The following KHDRBS2 variants were observed in gnomAD, a reference collection of about 807,000 sequenced individuals.
KHDRBS2 encodes the protein KH domain-containing, RNA-binding, signal transduction-associated protein 2.
A neutral mutation model predicts 44.3 loss-of-function variants in KHDRBS2; 26 were observed. The observed-to-expected ratio is 0.59, with a 90% CI of 0.43 to 0.81. KHDRBS2 has a LOEUF of 0.81. Among genes scored for constraint, KHDRBS2 ranks in the 40% least tolerant of loss-of-function variants. The probability of loss-of-function intolerance (pLI) is 0.00; values close to 1 mark genes in which losing one functional copy is unlikely to be tolerated. For synonymous variants in KHDRBS2, 194 were observed against 151.1 expected, an observed-to-expected ratio of 1.28 and a Z score of -2.08; for missense variants, 476 against 433.1, an observed-to-expected ratio of 1.10 and a Z score of -0.88.
the KHDRBS2 span, among the ~76,000 whole-genome samples, chr6:61,625,659 T>C: frequency 2.0e-5 from 3 of 152,108 alleles, no homozygotes; most frequent in African/African-American, 4.8e-5. Context: ...TCTCCTCTTT[T>C]CTTCTCTGTT....
the KHDRBS2 span, among the ~76,000 whole-genome samples, chr6:61,575,232 T>A: frequency 6.6e-6 from 1 of 152,050 alleles, no homozygotes; most frequent in Admixed American, 6.6e-5. Flanking sequence ...AAGACTAATG[T>A]CCAGACTCTA....
chr6:61,828,259 T>C (rs1408246772), intron 6 of KHDRBS2, among the ~76,000 whole-genome samples: 1 of 152,198 alleles, frequency 6.6e-6, no homozygotes, highest in Admixed American at 6.5e-5. Context: ...CTCATGAGGC[T>C]TCAATGCACA....
chr6:62,014,322 A>G (rs762646726), intron 3 of KHDRBS2, among the ~76,000 whole-genome samples: 2 of 152,120 alleles, frequency 1.3e-5, no homozygotes, highest in African/African-American at 4.8e-5. Flanking sequence ...GTTCTGGAAG[A>G]TCTTGCTTTA....
At chr6:61,818,174 C>A (rs1340232274) in intron 6 of KHDRBS2, among the ~76,000 whole-genome samples, 2 of 150,962 alleles carry the variant, frequency 1.3e-5, no homozygotes, top group Non-Finnish European at 2.9e-5. Context: ...CACATCAGTT[C>A]CATTCAGAAA....
the KHDRBS2 span, among the ~76,000 whole-genome samples, chr6:61,577,098 G>A: frequency 6.7e-6 from 1 of 149,442 alleles, no homozygotes. Context: ...TGGTAGTTGT[G>A]TTTTATTTAG....
intron 6 of KHDRBS2, among the ~76,000 whole-genome samples, chr6:61,771,144 T>G (rs1286683763): frequency 1.3e-5 from 2 of 152,092 alleles, no homozygotes; most frequent in African/African-American, 4.8e-5. Context: ...GCTGAGAGAT[T>G]TTGTCACCAC....
At chr6:62,073,137 A>G (rs1795581300) in intron 2 of KHDRBS2, among the ~76,000 whole-genome samples, 1 of 151,950 alleles carries the variant, frequency 6.6e-6, no homozygotes, top group Non-Finnish European at 1.5e-5. Flanking sequence ...GATTATGAAC[A>G]TTTTATTTAA....
the KHDRBS2 span, among the ~76,000 whole-genome samples, chr6:61,566,026 T>C: frequency 3.1e-4 from 46 of 146,316 alleles, no homozygotes; most frequent in African/African-American, 9.5e-4. Context: ...TGTGTGTGTG[T>C]GCATGTGTGT....
At chr6:61,802,714 A>T (rs1786476387) in intron 6 of KHDRBS2, among the ~76,000 whole-genome samples, 1 of 152,184 alleles carries the variant, frequency 6.6e-6, no homozygotes, top group African/African-American at 2.4e-5. Flanking sequence ...TCTTTTCTTC[A>T]GTATTTTTCT....
At chr6:61,996,988 A>G (rs1463681349) in intron 3 of KHDRBS2, among the ~76,000 whole-genome samples, 4 of 152,080 alleles carry the variant, frequency 2.6e-5, no homozygotes, top group East Asian at 1.9e-4. Flanking sequence ...TCACCATGTT[A>G]GCCAGGCTGG....
chr6:61,820,337 C>G (rs188647637), intron 6 of KHDRBS2, among the ~76,000 whole-genome samples: 1 of 151,922 alleles, frequency 6.6e-6, no homozygotes, highest in Non-Finnish European at 1.5e-5. Context: ...TAACCAAAAT[C>G]ACTTCTTGAT....
At chr6:62,282,943 A>G (rs368836670) in intron 1 of KHDRBS2, among the ~76,000 whole-genome samples, 3 of 152,284 alleles carry the variant, frequency 2.0e-5, no homozygotes, top group East Asian at 3.9e-4. Flanking sequence ...AGTGGAATTC[A>G]AATCTAGGTA....
intron 6 of KHDRBS2, among the ~76,000 whole-genome samples, chr6:61,755,107 A>C (rs1388348149): frequency 6.6e-6 from 1 of 152,164 alleles, no homozygotes; most frequent in Non-Finnish European, 1.5e-5. Context: ...ACAGTTTGAC[A>C]TGTATCGGTT....
intron 6 of KHDRBS2, among the ~76,000 whole-genome samples, chr6:61,829,667 G>T (rs904796110): frequency 2.0e-5 from 3 of 152,182 alleles, no homozygotes; most frequent in African/African-American, 4.8e-5. Flanking sequence ...TACAGGTAAT[G>T]CAAGAAGTAA....
chr6:62,104,107 G>C (rs1178220079), intron 2 of KHDRBS2, among the ~76,000 whole-genome samples: 1 of 152,118 alleles, frequency 6.6e-6, no homozygotes, highest in Non-Finnish European at 1.5e-5. Flanking sequence ...AATGATTGCT[G>C]TTTAAACAAA....
chr6:62,251,185 T>C (rs1836467320), intron 1 of KHDRBS2, among the ~76,000 whole-genome samples: 1 of 151,842 alleles, frequency 6.6e-6, no homozygotes, highest in Admixed American at 6.6e-5. Context: ...AATATAACTA[T>C]AAGTTATATT....
At chr6:61,605,235 C>T in the KHDRBS2 span, among the ~76,000 whole-genome samples, 1 of 152,142 alleles carries the variant, frequency 6.6e-6, no homozygotes, top group South Asian at 2.1e-4. Flanking sequence ...CTGCACCCCA[C>T]AAAACTTGCC....
chr6:61,778,305 G>T (rs544656630), intron 6 of KHDRBS2, among the ~76,000 whole-genome samples: 18 of 152,072 alleles, frequency 1.2e-4, no homozygotes, highest in Admixed American at 1.2e-3. Flanking sequence ...TTATGCCTGG[G>T]ACTGTGCAAG....
At chr6:61,856,195 C>A (rs1157394236) in intron 6 of KHDRBS2, among the ~76,000 whole-genome samples, 5 of 152,048 alleles carry the variant, frequency 3.3e-5, no homozygotes, top group Non-Finnish European at 7.4e-5. Flanking sequence ...TTTGTTTATT[C>A]CTCCTCTTTC....
Sources: allele counts gnomAD v4.1 joint callset (sites outside exome capture counted in the v4.1 genomes callset), GRCh38; gene constraint gnomAD v4.1.1; transcripts MANE v1.5; gene names NCBI Gene and HGNC (gene_info 2026-07-23, HGNC 2026-07-21).